POU2F3: variants seen among roughly 807,000 people sequenced by gnomAD.
POU2F3 encodes the protein POU class 2 homeobox 3, also known as POU domain, class 2, transcription factor 3.
In POU2F3, 23 loss-of-function variants were observed where a neutral mutation model predicts 59.2. The ratio of observed to expected loss-of-function variants is 0.39; its 90% CI spans 0.28 to 0.55. POU2F3 has a LOEUF of 0.55. Ranked by LOEUF, POU2F3 falls within the 20% of genes least tolerant of loss-of-function variation. The pLI, the probability that POU2F3 is intolerant of heterozygous loss-of-function variation, is 0.66. For missense variants in POU2F3, 473 were observed against 544.5 expected (o/e 0.87, Z 1.31); for synonymous variants, 190 against 214.6 (o/e 0.89, Z 1.00).
chr11:120,311,615 T>C (rs1267159618), intron 10 of POU2F3, among the ~76,000 whole-genome samples: 1 of 152,134 alleles, frequency 6.6e-6, no homozygotes, highest in Non-Finnish European at 1.5e-5. Context: ...GAAGTGATGA[T>C]TTCAGTTCTT....
At chr11:120,288,128 C>CAAAAAAAAAAAAA in intron 3 of POU2F3, among the ~76,000 whole-genome samples, 39 of 63,328 alleles carry the variant, frequency 6.2e-4, no homozygotes, top group African/African-American at 1.8e-3. Flanking sequence ...ACAAAAAAAC[C>CAAAAAAAAAAAAA]AAAAAAAAAA....
At position 120,317,357 on chromosome 11, in the gene POU2F3, T is replaced by C. The variant is rs1941816058; in HGVS notation, c.1264T>C (p.Ser422Pro). Residue 422 changes from serine (S) to proline (P), a missense_variant, in exon 12 of 13, where the codon TCT (serine) becomes CCT (proline). Ser to Pro is a moderately conservative substitution (Grantham distance 74). Coordinates refer to ENST00000543440, the MANE Select transcript of POU2F3 (RefSeq NM_014352.4). ...AGTGAACTCCGCCTCCAGTTTTAAC[T>C]CTTCAGGGTAAGGTGAAGGGGACGG... is the stretch of plus-strand genomic sequence containing the variant. Reference protein sequence around the residue: ...AAVNSASSFNSSGSWYRWNHS... With the variant: ...AAVNSASSFNPSGSWYRWNHS... 5 of 1,613,998 alleles carry C rather than the reference T, an allele frequency of 3.1e-6. No individual in the cohort carries two copies. In the Middle Eastern group the frequency reaches 6.6e-4, roughly 212 times the overall value.
intron 2 of POU2F3, 118 bp downstream of exon 2, chr11:120,246,635 G>A: frequency 2.9e-6 from 3 of 1,042,454 alleles, no homozygotes; most frequent in Non-Finnish European, 4.3e-6. Context: ...CCCAAAGCTA[G>A]GTCTTAGGAA....
chr11:120,278,862 T>C (rs1431253938), intron 3 of POU2F3, among the ~76,000 whole-genome samples: 3 of 152,172 alleles, frequency 2.0e-5, no homozygotes, highest in African/African-American at 7.2e-5. Flanking sequence ...TGTATACCTA[T>C]GTAACAAACC....
chr11:120,277,642 C>T lies in POU2F3; in HGVS notation c.132+8398C>T, dbSNP rs1162230426. On this transcript the variant is annotated intron_variant, in intron 3 of 12. Coordinates refer to ENST00000543440, the MANE Select transcript of POU2F3 (RefSeq NM_014352.4). ...ATTGCAAAAAAAAAAATTAGCCGGG[C>T]GCAGTGGCTTATGCCTGTAGACCCA... Among the ~76,000 whole-genome samples, 4 of 152,066 alleles carry T rather than the reference C, an allele frequency of 2.6e-5. No homozygotes were observed. The East Asian group carries it at 5.8e-4, about 22-fold the overall frequency.
chr11:120,284,449 C>T (rs940061983), intron 3 of POU2F3, among the ~76,000 whole-genome samples: 1 of 152,162 alleles, frequency 6.6e-6, no homozygotes, highest in Non-Finnish European at 1.5e-5. Flanking sequence ...ATTGCCTAAC[C>T]CTACCACTTG....
At chr11:120,243,362 T>TG (rs1174635501) in intron 1 of POU2F3, among the ~76,000 whole-genome samples, 5 of 152,016 alleles carry the variant, frequency 3.3e-5, no homozygotes, top group Non-Finnish European at 2.9e-5. Context: ...GCCTGCAGCC[T>TG]GTGGGGAGTG....
At chr11:120,292,530 G>C (rs1010842335) in intron 3 of POU2F3, among the ~76,000 whole-genome samples, 9 of 152,204 alleles carry the variant, frequency 5.9e-5, no homozygotes, top group African/African-American at 1.9e-4. Context: ...TTTAGGGGCA[G>C]AACAGCCTTC....
rs1021749518 is a variant in POU2F3, at chr11:120,298,444, A to T, written c.258+54A>T. 9.4e-6 allele frequency: 15 copies of T among 1,601,152 alleles called. No individual in the cohort carries two copies. The African/African-American group carries it at 1.9e-4, about 20-fold the overall frequency. On this transcript the variant is annotated intron_variant, in intron 4 of 12. Coordinates refer to ENST00000543440, the MANE Select transcript of POU2F3 (RefSeq NM_014352.4). ...GTGTGTTTAACCCAATCCCTCTGTGAAATGCTCGACTTCCATGCTTGGTAC... is the reference window on the plus strand; with the variant it reads ...GTGTGTTTAACCCAATCCCTCTGTGTAATGCTCGACTTCCATGCTTGGTAC...
intron 5 of POU2F3, 142 bp downstream of exon 5, chr11:120,299,868 C>G: frequency 1.5e-6 from 1 of 651,444 alleles, no homozygotes; most frequent in Non-Finnish European, 2.6e-6. Flanking sequence ...CTTATCCACC[C>G]CAGGGTCTGA....
chr11:120,278,153 G>A (rs1940411889), intron 3 of POU2F3, among the ~76,000 whole-genome samples: 1 of 152,134 alleles, frequency 6.6e-6, no homozygotes. Context: ...AAATAGAGTT[G>A]GGTTTTGGGC....
chr11:120,297,177 T>A (rs1941215122), intron 3 of POU2F3, among the ~76,000 whole-genome samples: 1 of 152,172 alleles, frequency 6.6e-6, no homozygotes, highest in Non-Finnish European at 1.5e-5. Context: ...TCACATTATA[T>A]GAATTTAAAG....
In POU2F3 at chr11:120,317,218, C is replaced by G. The variant is rs1397909861; in HGVS notation, c.1136-11C>G. The G allele has an allele frequency of 5.6e-6, 9 of 1,614,012 alleles. No homozygotes were observed. The highest frequency in any genetic ancestry group is 6.8e-6 in the Non-Finnish European group (8 of 1,179,938). The stretch of plus-strand genomic sequence containing the variant: ...TATTTCCCCCTTGTTTTTGCCTCTC[C>G]TTATCCTCAGTAACGTCATCCTGTT... On this transcript the variant is annotated splice_polypyrimidine_tract_variant and intron_variant, in intron 11 of 12. Transcript: ENST00000543440.
At chr11:120,297,829 G>A (rs1941231668) in intron 3 of POU2F3, among the ~76,000 whole-genome samples, 2 of 151,956 alleles carry the variant, frequency 1.3e-5, no homozygotes, top group South Asian at 4.1e-4. Context: ...GGAGTGCAGT[G>A]GCGTGATCAT....
chr11:120,304,858 C>T (rs1941439494), intron 6 of POU2F3, among the ~76,000 whole-genome samples, 172 bp from the exon 7 acceptor site: 1 of 142,862 alleles, frequency 7.0e-6, no homozygotes, highest in African/African-American at 2.6e-5. Flanking sequence ...TTAATTTCCA[C>T]TTCCATGCCA....
intron 2 of POU2F3, among the ~76,000 whole-genome samples, chr11:120,262,942 ATTTCT>A (rs1252287757): frequency 3.3e-5 from 5 of 150,376 alleles, no homozygotes; most frequent in African/African-American, 9.8e-5. Context: ...TGTCTTAACC[ATTTCT>A]TTTCTTATTT....
intron 10 of POU2F3, among the ~76,000 whole-genome samples, chr11:120,312,058 C>T (rs1483885364): frequency 6.6e-6 from 1 of 152,106 alleles, no homozygotes; most frequent in African/African-American, 2.4e-5. Context: ...TAGTAATTAG[C>T]AAGAGTAGTG....
chr11:120,269,390 C>A, intron 3 of POU2F3, 146 bp downstream of exon 3: 2 of 638,370 alleles, frequency 3.1e-6, no homozygotes, highest in South Asian at 2.1e-5. Context: ...GGACCTTGAG[C>A]CCAACCTCCC....
chr11:120,302,558 C>A, intron 6 of POU2F3, 190 bp downstream of exon 6: 1 of 562,440 alleles, frequency 1.8e-6, no homozygotes, highest in Non-Finnish European at 3.1e-6. Flanking sequence ...CCAAGTGTCA[C>A]TGGTGGGGCC....
Sources: gnomAD v4.1 joint callset for allele counts (sites outside exome capture counted in the v4.1 genomes callset) on GRCh38, gnomAD v4.1.1 for gene constraint, MANE v1.5 for transcripts, NCBI Gene and HGNC (gene_info 2026-07-23, HGNC 2026-07-21) for gene names.